The following GSDMA variants were observed in gnomAD, a reference collection of about 807,000 sequenced individuals.
The protein encoded by GSDMA is gasdermin-A.
Under a neutral mutation model 54.3 loss-of-function variants are expected in GSDMA, and 55 were observed. The ratio of observed to expected loss-of-function variants is 1.01; its 90% CI spans 0.82 to 1.27. The LOEUF is 1.27. Among genes scored for constraint, GSDMA ranks in the 50% most tolerant of loss-of-function variants. The pLI is 0.00. For missense variants in GSDMA, 542 were observed against 542.6 expected (o/e 1.00, Z 0.01); for synonymous variants, 211 against 224.7 (o/e 0.94, Z 0.54).
At chr17:39,974,116 C>T (rs1053910351) in intron 8 of GSDMA, among the ~76,000 whole-genome samples, 157 bp from the exon 9 acceptor site, 14 of 152,224 alleles carry the variant, frequency 9.2e-5, no homozygotes, top group Non-Finnish European at 1.3e-4. Flanking sequence ...GTTCTGTCAC[C>T]GCATTCCTTG....
At chr17:39,965,944 CA>C in intron 2 of GSDMA, 43 bp downstream of exon 2, 1 of 1,525,880 alleles carries the variant, frequency 6.6e-7, no homozygotes. Flanking sequence ...TACTGAGGGA[CA>C]GGGGCTGGGC....
chr17:39,969,197 G>A (rs1979814378), intron 3 of GSDMA, among the ~76,000 whole-genome samples: 2 of 151,818 alleles, frequency 1.3e-5, no homozygotes, highest in African/African-American at 2.4e-5. Context: ...CACAAAAAAC[G>A]CAATATTAGC....
rs1440430018 is a variant in GSDMA at position 39,976,912 on chromosome 17, A to ACC, written c.1194_1195dup (p.Leu399ProfsTer6). 1 of 1,613,708 alleles carries ACC rather than the reference A, an allele frequency of 6.2e-7. No homozygotes were observed. The highest frequency in any genetic ancestry group is 8.5e-7 in the Non-Finnish European group (1 of 1,179,874). On this transcript the variant is annotated frameshift_variant, in exon 12 of 12. Coordinates refer to ENST00000301659, the MANE Select transcript of GSDMA (RefSeq NM_178171.5). LOFTEE classifies it high-confidence loss of function. ...CTCCTCCCTTGGGGACGAGGAGCTGACCCTCACGGAGGCTCTAGTCGGGCT... is the reference window on the plus strand; with the variant it reads ...CTCCTCCCTTGGGGACGAGGAGCTGACCCCCTCACGGAGGCTCTAGTCGGGCT...
In GSDMA at chr17:39,971,126, G is replaced by T. The variant is rs529382142; in HGVS notation, c.559-398G>T. 1.1e-4 allele frequency among the ~76,000 whole-genome samples: 16 copies of T among 152,334 alleles called. No homozygotes were observed. In the East Asian group the frequency reaches 2.5e-3, roughly 24 times the overall value. Reference sequence around the variant, plus strand: ...TTGGGATTTGGAGCCAGGAGTAGGGGTTAGTCATGGAAGGCGTCCTGAAAG... The same window carrying T: ...TTGGGATTTGGAGCCAGGAGTAGGGTTTAGTCATGGAAGGCGTCCTGAAAG... On this transcript the variant is annotated intron_variant, in intron 4 of 11. Transcript: ENST00000301659.
At chr17:39,963,960 T>C (rs1979523533) in intron 1 of GSDMA, among the ~76,000 whole-genome samples, 1 of 152,228 alleles carries the variant, frequency 6.6e-6, no homozygotes, top group African/African-American at 2.4e-5. Flanking sequence ...ATTGGTTCTT[T>C]CCACACACAT....
In GSDMA at chr17:39,972,752, G is replaced by GA. The variant is rs1438743957; in HGVS notation, c.730+142dup. 8.4e-6 allele frequency: 7 copies of GA among 830,574 alleles called. No homozygotes were observed. The African/African-American group carries it at 1.0e-4, about 12-fold the overall frequency. 51.5% of individuals were successfully genotyped at this position (830,574 alleles called of 1,614,324 possible). On this transcript the variant is annotated intron_variant, in intron 7 of 11. Transcript: ENST00000301659. Reference sequence around the variant, plus strand: ...AAATAATTGTCCCCGAAACATGGCAGAAATTCCAATAGCTTGGGAAAAAGC... The same window carrying GA: ...AAATAATTGTCCCCGAAACATGGCAGAAAATTCCAATAGCTTGGGAAAAAGC...
At chr17:39,972,100 TCCCA>T in intron 5 of GSDMA, 25 bp from the exon 6 acceptor site, 2 of 835,096 alleles carry the variant, frequency 2.4e-6, no homozygotes, top group Non-Finnish European at 4.1e-6. Flanking sequence ...CTAAGTGTCC[TCCCA>T]CCCTCCCTCC....
rs370785746 is a variant in GSDMA, at chr17:39,969,304, C to G, written c.393-1178C>G. 4.6e-4 allele frequency among the ~76,000 whole-genome samples: 69 copies of G among 148,968 alleles called. 1 individual carries two copies. The East Asian group carries it at 0.01, about 23-fold the overall frequency. The stretch of plus-strand genomic sequence containing the variant: ...GCTCAAGTCTGCAGTGAGTTATGAT[C>G]GAGCCACTGCACTTCAGCCTGGGCA... On this transcript the variant is annotated intron_variant, in intron 3 of 11. Transcript: ENST00000301659.
chr17:39,971,655 G>A (rs765836095), intron 5 of GSDMA, 35 bp downstream of exon 5: 4 of 1,505,694 alleles, frequency 2.7e-6, no homozygotes, highest in African/African-American at 2.7e-5. Context: ...CCCACAAGAT[G>A]AGAATTACCT....
chr17:39,968,377 T>A (rs60725845), intron 3 of GSDMA, among the ~76,000 whole-genome samples: 2 of 129,488 alleles, frequency 1.5e-5, no homozygotes, highest in African/African-American at 3.0e-5. Flanking sequence ...AGACGGAGTC[T>A]CTCTCTGTTG....
Position 39,965,812 on chromosome 17 carries a change from A to G in GSDMA, c.125A>G (p.Lys42Arg), listed in dbSNP as rs778879502. 1 of 1,598,296 alleles carries G rather than the reference A, an allele frequency of 6.3e-7. No individual in the cohort carries two copies. ...RFHPFCLVLR[K>R]RKSTLFWGAR... ...CATCCCTTCTGCCTGGTGCTGAGGAAGAGGAAGAGCACGCTCTTCTGGGGG... is the reference window on the plus strand; with the variant it reads ...CATCCCTTCTGCCTGGTGCTGAGGAGGAGGAAGAGCACGCTCTTCTGGGGG... Residue 42 changes from lysine (K) to arginine (R), a missense_variant, in exon 2 of 12, where the codon AAG becomes AGG. By Grantham distance (26) the Lys-to-Arg change is conservative. Transcript: ENST00000301659.
Position 39,976,823 on chromosome 17 carries a change from G to A in GSDMA, c.1103G>A (p.Ser368Asn), listed in dbSNP as rs773439308. 1 of 1,613,930 alleles carries A rather than the reference G, an allele frequency of 6.2e-7. No homozygotes were observed. The highest frequency in any genetic ancestry group is 8.5e-7 in the Non-Finnish European group (1 of 1,179,870). The change falls in exon 12 of 12, where the codon AGC (serine) becomes AAC (asparagine). Residue 368 changes from serine (S) to asparagine (N), a missense_variant. Coordinates refer to ENST00000301659, the MANE Select transcript of GSDMA (RefSeq NM_178171.5). ...TGTTTTGATTCCCTCCAGGTGGAGAGCACGATGGAACAGAACTTCCTGCTG... is the reference window on the plus strand; with the variant it reads ...TGTTTTGATTCCCTCCAGGTGGAGAACACGATGGAACAGAACTTCCTGCTG... ...ILPVQLKLVESTMEQNFLLDK... is the reference protein window; with the variant it reads ...ILPVQLKLVENTMEQNFLLDK...
chr17:39,971,407 G>A, intron 4 of GSDMA, 117 bp from the exon 5 acceptor site: 1 of 702,786 alleles, frequency 1.4e-6, no homozygotes, highest in Non-Finnish European at 2.5e-6. Flanking sequence ...AAGGCTTCCA[G>A]CTTCTTATCT....
chr17:39,964,991 A>C (rs1292199217), intron 1 of GSDMA, among the ~76,000 whole-genome samples: 1 of 152,006 alleles, frequency 6.6e-6, no homozygotes, highest in Non-Finnish European at 1.5e-5. Context: ...AGCCAAGTGC[A>C]TGACTGCAGT....
In GSDMA at chr17:39,977,281, ACTTTT is replaced by A. The variant is rs545999730; in HGVS notation, c.*234_*238del. Reference sequence around the variant, plus strand: ...ATCTGCTGATGCTTAAATTTTCTTTACTTTTCTTTTCTTTTTTTTTTTTTTTTTGA... The same window carrying A: ...ATCTGCTGATGCTTAAATTTTCTTTACTTTTCTTTTTTTTTTTTTTTTTGA... On this transcript the variant is annotated 3_prime_UTR_variant, in exon 12 of 12. Transcript: ENST00000301659. The A allele has an allele frequency of 4.0e-3, 1,314 of 327,220 alleles. 18 individuals carry two copies. The highest frequency in any genetic ancestry group is 6.9e-3 in the East Asian group (139 of 20,044). The allele number at this position is 327,220 out of a possible 1,614,324, so 20.3% of individuals were successfully genotyped here.
chr17:39,977,122 T>C lies in GSDMA; in HGVS notation c.*64T>C. On this transcript the variant is annotated 3_prime_UTR_variant, in exon 12 of 12. Transcript: ENST00000301659. ...TCCCAACCTCGTGGTGCTGTGTCCT[T>C]ACCACCTAAGGGCATTTCAGAGCCA... 6.3e-7 allele frequency: 1 copy of C among 1,579,536 alleles called. No homozygotes were observed. Among genetic ancestry groups the C allele is most frequent in the Non-Finnish European group, 8.6e-7 (1 of 1,156,638 alleles).
At chr17:39,968,848 A>G (rs779655153) in intron 3 of GSDMA, among the ~76,000 whole-genome samples, 4 of 152,192 alleles carry the variant, frequency 2.6e-5, no homozygotes, top group Non-Finnish European at 5.9e-5. Flanking sequence ...TTGTGACATT[A>G]TAGGACATTA....
chr17:39,965,312 T>TAAATAAAG (rs1555656028), intron 1 of GSDMA, among the ~76,000 whole-genome samples: 4 of 93,688 alleles, frequency 4.3e-5, no homozygotes, highest in African/African-American at 1.3e-4. Context: ...GAGAAATAAA[T>TAAATAAAG]AAAGAAAGAA....
chr17:39,971,395 T>G (rs1979930660), intron 4 of GSDMA, 129 bp from the exon 5 acceptor site: 2 of 658,042 alleles, frequency 3.0e-6, no homozygotes, highest in Admixed American at 5.1e-5. Context: ...GGGACACCAC[T>G]GAAGGCTTCC....
Sources: allele counts gnomAD v4.1 joint callset (sites outside exome capture counted in the v4.1 genomes callset), GRCh38; gene constraint gnomAD v4.1.1; transcripts MANE v1.5; gene names NCBI Gene and HGNC (gene_info 2026-07-23, HGNC 2026-07-21).